The following GRM8 variants were observed in gnomAD, a reference collection of about 807,000 sequenced individuals.
GRM8 encodes the protein glutamate metabotropic receptor 8, also known as metabotropic glutamate receptor 8.
A neutral mutation model predicts 87.2 loss-of-function variants in GRM8; 47 were observed. The ratio of observed to expected loss-of-function variants is 0.54; its 90% confidence interval spans 0.43 to 0.69. The LOEUF (loss-of-function observed/expected upper bound fraction) is 0.69, where lower values mean the gene tolerates loss of function less well. Among genes scored for constraint, GRM8 ranks in the 30% least tolerant of loss-of-function variants. GRM8 has a pLI of 0.00. For synonymous variants in GRM8, 396 were observed against 404.5 expected, an observed-to-expected ratio of 0.98 and a Z score of 0.25; for missense variants, 1,019 against 1,139.2, an observed-to-expected ratio of 0.89 and a Z score of 1.52.
intron 3 of GRM8, among the ~76,000 whole-genome samples, chr7:127,099,002 T>A (rs1824960400): frequency 6.6e-6 from 1 of 152,220 alleles, no homozygotes; most frequent in East Asian, 1.9e-4. Flanking sequence ...CCTTGCCCCT[T>A]ATAATGATAG....
chr7:127,166,842 C>A (rs138324968), intron 2 of GRM8, among the ~76,000 whole-genome samples: 2 of 152,144 alleles, frequency 1.3e-5, no homozygotes, highest in East Asian at 3.9e-4. Context: ...AATATTTGTT[C>A]TTAAATAACT....
rs537396752 is a variant in GRM8 at position 126,910,276 on chromosome 7, C to CT, written c.728-5594dup. On this transcript the variant is annotated intron_variant, in intron 3 of 10. Coordinates refer to ENST00000339582, the MANE Select transcript of GRM8 (RefSeq NM_000845.3). Reference sequence around the variant, plus strand: ...AGCAATCATAATAATTTTAATTTTACTTTTTTTTGTTACTTCTTTTTCTTT... The same window carrying CT: ...AGCAATCATAATAATTTTAATTTTACTTTTTTTTTGTTACTTCTTTTTCTTT... 3.3e-5 allele frequency among the ~76,000 whole-genome samples: 5 copies of CT among 152,070 alleles called. 1 individual carries two copies. Among genetic ancestry groups the CT allele is most frequent in the South Asian group, 4.1e-4 (2 of 4,824 alleles).
chr7:126,987,541 A>G (rs1812219461), intron 3 of GRM8, among the ~76,000 whole-genome samples: 1 of 151,986 alleles, frequency 6.6e-6, no homozygotes, highest in Non-Finnish European at 1.5e-5. Flanking sequence ...GCTTACTGCA[A>G]GCTCCGCCTC....
chr7:127,239,850 A>G (rs1798183128), intron 2 of GRM8, among the ~76,000 whole-genome samples: 1 of 152,214 alleles, frequency 6.6e-6, no homozygotes, highest in Non-Finnish European at 1.5e-5. Context: ...TGTAAGATGG[A>G]CTAGGCACTG....
intron 3 of GRM8, among the ~76,000 whole-genome samples, chr7:126,987,142 A>G (rs542717837): frequency 1.3e-5 from 2 of 152,192 alleles, no homozygotes; most frequent in Non-Finnish European, 2.9e-5. Flanking sequence ...CATATTTGGA[A>G]TCTGATTTAA....
intron 8 of GRM8, among the ~76,000 whole-genome samples, chr7:126,592,853 G>A (rs902474062): frequency 2.6e-5 from 4 of 151,738 alleles, no homozygotes; most frequent in Non-Finnish European, 5.9e-5. Flanking sequence ...GAAAAGAAGA[G>A]ATAAATTGTC....
chr7:127,209,165 G>A (rs1163994808), intron 2 of GRM8, among the ~76,000 whole-genome samples: 1 of 152,130 alleles, frequency 6.6e-6, no homozygotes, highest in African/African-American at 2.4e-5. Context: ...TTAGCACCTA[G>A]AACAAGACAC....
chr7:126,797,237 A>G (rs1367479948), intron 6 of GRM8, among the ~76,000 whole-genome samples: 1 of 152,098 alleles, frequency 6.6e-6, no homozygotes, highest in Admixed American at 6.6e-5. Context: ...TTACAACTTA[A>G]TAAGAGTTAC....
chr7:126,582,664 C>T (rs1325112033), intron 8 of GRM8, among the ~76,000 whole-genome samples: 1 of 152,110 alleles, frequency 6.6e-6, no homozygotes, highest in Non-Finnish European at 1.5e-5. Context: ...TTATTAGGGC[C>T]TAATGAAGCA....
chr7:126,615,951 C>T (rs1183310493), intron 7 of GRM8, among the ~76,000 whole-genome samples: 2 of 152,110 alleles, frequency 1.3e-5, no homozygotes, highest in Non-Finnish European at 2.9e-5. Context: ...CCACTGTCAA[C>T]ATTAGACAGA....
intron 3 of GRM8, among the ~76,000 whole-genome samples, chr7:127,020,396 C>T (rs1268967868): frequency 6.6e-6 from 1 of 152,024 alleles, no homozygotes; most frequent in African/African-American, 2.4e-5. Flanking sequence ...TGTCCATCTC[C>T]CTCACCTTGA....
chr7:126,831,736 C>T (rs973249164), intron 6 of GRM8, among the ~76,000 whole-genome samples: 8 of 152,080 alleles, frequency 5.3e-5, no homozygotes, highest in African/African-American at 9.7e-5. Context: ...GAGATGAACC[C>T]GGTACCTCAG....
intron 6 of GRM8, among the ~76,000 whole-genome samples, chr7:126,840,425 T>C (rs1321687447): frequency 6.6e-6 from 1 of 152,216 alleles, no homozygotes; most frequent in Non-Finnish European, 1.5e-5. Context: ...ACTCTAAAAT[T>C]TGTTAACACT....
intron 6 of GRM8, among the ~76,000 whole-genome samples, chr7:126,845,268 C>T (rs1796611398): frequency 6.6e-6 from 1 of 152,148 alleles, no homozygotes; most frequent in African/African-American, 2.4e-5. Flanking sequence ...TATTTGTGCT[C>T]ATGGAGAAAA....
intron 8 of GRM8, among the ~76,000 whole-genome samples, chr7:126,592,530 C>A (rs983151413): frequency 6.6e-6 from 1 of 151,984 alleles, no homozygotes; most frequent in East Asian, 1.9e-4. Context: ...GAACAAAAAA[C>A]GTATGATCAT....
At chr7:127,032,464 A>C (rs565146906) in intron 3 of GRM8, among the ~76,000 whole-genome samples, 4 of 152,116 alleles carry the variant, frequency 2.6e-5, no homozygotes, top group Admixed American at 6.6e-5. Context: ...CTCCTGGGAC[A>C]CTCAAATTGT....
intron 2 of GRM8, among the ~76,000 whole-genome samples, chr7:127,241,579 G>A (rs953572674): frequency 5.3e-5 from 8 of 151,910 alleles, no homozygotes; most frequent in Non-Finnish European, 1.2e-4. Flanking sequence ...GACTACAAGC[G>A]TGTGCCACTA....
intron 7 of GRM8, among the ~76,000 whole-genome samples, chr7:126,759,038 C>G (rs1344545935): frequency 6.6e-6 from 1 of 152,038 alleles, no homozygotes; most frequent in Non-Finnish European, 1.5e-5. Context: ...GCTGGGATTA[C>G]AGGTGCGCAT....
At chr7:126,583,704 C>T (rs1421307723) in intron 8 of GRM8, among the ~76,000 whole-genome samples, 1 of 152,170 alleles carries the variant, frequency 6.6e-6, no homozygotes, top group South Asian at 2.1e-4. Context: ...TGAATTGCTA[C>T]AATCTCATGA....
Sources: gnomAD v4.1 joint callset for allele counts (sites outside exome capture counted in the v4.1 genomes callset) on GRCh38, gnomAD v4.1.1 for gene constraint, MANE v1.5 for transcripts, NCBI Gene and HGNC (gene_info 2026-07-23, HGNC 2026-07-21) for gene names.